Variants in GALNT10 observed in about 807,000 individuals in gnomAD.
GALNT10 encodes the protein GalNAc transferase 10.
In GALNT10, 41 loss-of-function variants were observed where a neutral mutation model predicts 75.0. The observed-to-expected ratio is 0.55, with a 90% CI of 0.43 to 0.71. The LOEUF (loss-of-function observed/expected upper bound fraction) is 0.71. Among genes scored for constraint, GALNT10 ranks in the 30% least tolerant of loss-of-function variants. GALNT10 has a pLI of 0.00. For missense variants in GALNT10, 727 were observed against 818.5 expected, an observed-to-expected ratio of 0.89 and a Z score of 1.36; for synonymous variants, 302 against 313.0, an observed-to-expected ratio of 0.96 and a Z score of 0.37.
At chr5:154,233,944 G>T (rs1038570084) in intron 1 of GALNT10, among the ~76,000 whole-genome samples, 4 of 152,102 alleles carry the variant, frequency 2.6e-5, no homozygotes, top group African/African-American at 9.7e-5. Flanking sequence ...GCCAATGTCA[G>T]ATTCACCATG....
rs1471046288 is a variant in GALNT10, at chr5:154,260,535, A to G, written c.160-34281A>G. On this transcript the variant is annotated intron_variant, in intron 1 of 11. Coordinates refer to ENST00000297107, the MANE Select transcript of GALNT10 (RefSeq NM_198321.4). ...TCCCTTTATGACAGTGGCAGAATCC[A>G]GGATGCACCCCTTTTTAAATGAATG... Among the ~76,000 whole-genome samples the G allele has an allele frequency of 2.0e-5, 3 of 152,330 alleles. No individual in the cohort carries two copies. The East Asian group carries it at 5.8e-4, about 29-fold the overall frequency.
intron 4 of GALNT10, among the ~76,000 whole-genome samples, chr5:154,350,930 C>T (rs1024415912): frequency 6.6e-6 from 1 of 152,116 alleles, no homozygotes. Flanking sequence ...TTTGCTGGGT[C>T]CCCCCACTTG....
intron 1 of GALNT10, among the ~76,000 whole-genome samples, chr5:154,252,364 C>A (rs1753536600): frequency 6.6e-6 from 1 of 152,104 alleles, no homozygotes; most frequent in South Asian, 2.1e-4. Context: ...CCTTACGGAG[C>A]ACTAGTGGGA....
At chr5:154,336,235 C>A (rs2113125401) in intron 4 of GALNT10, among the ~76,000 whole-genome samples, 1 of 152,322 alleles carries the variant, frequency 6.6e-6, no homozygotes, top group African/African-American at 2.4e-5. Flanking sequence ...CATTCACCTA[C>A]TGAAGGACAT....
intron 9 of GALNT10, among the ~76,000 whole-genome samples, chr5:154,411,851 A>G (rs1756403837): frequency 6.6e-6 from 1 of 152,220 alleles, no homozygotes; most frequent in Non-Finnish European, 1.5e-5. Flanking sequence ...ACACCTGGGG[A>G]GACTAGGAGA....
At chr5:154,250,932 A>G (rs188955420) in intron 1 of GALNT10, among the ~76,000 whole-genome samples, 2 of 152,258 alleles carry the variant, frequency 1.3e-5, no homozygotes, top group East Asian at 3.9e-4. Context: ...TGTGCCCTGT[A>G]TCTGGAATAT....
intron 1 of GALNT10, chr5:154,217,894 G>T: frequency 1.9e-6 from 1 of 514,966 alleles, no homozygotes; most frequent in Non-Finnish European, 2.5e-6. Flanking sequence ...TTTGGTGTTT[G>T]GAGAGACTGT....
At chr5:154,201,109 A>ACC (rs1436754564) in intron 1 of GALNT10, among the ~76,000 whole-genome samples, 1 of 152,140 alleles carries the variant, frequency 6.6e-6, no homozygotes, top group African/African-American at 2.4e-5. Flanking sequence ...CCAGTTGGCC[A>ACC]CCACCCCTGC....
At chr5:154,322,570 A>G (rs1215926456) in intron 3 of GALNT10, among the ~76,000 whole-genome samples, 1 of 152,072 alleles carries the variant, frequency 6.6e-6, no homozygotes, top group Non-Finnish European at 1.5e-5. Context: ...GGATTAGGGC[A>G]TGGCCATCCT....
At chr5:154,362,746 G>A (rs1407102921) in intron 4 of GALNT10, among the ~76,000 whole-genome samples, 1 of 152,136 alleles carries the variant, frequency 6.6e-6, no homozygotes, top group Non-Finnish European at 1.5e-5. Context: ...ACCTATGATT[G>A]AATTCTTCCG....
chr5:154,381,381 C>G (rs1755732737), intron 6 of GALNT10, among the ~76,000 whole-genome samples: 1 of 152,208 alleles, frequency 6.6e-6, no homozygotes, highest in Non-Finnish European at 1.5e-5. Context: ...GTGCTCCAAG[C>G]TCTGGAAGGG....
At chr5:154,341,411 A>G (rs1486089003) in intron 4 of GALNT10, among the ~76,000 whole-genome samples, 2 of 152,246 alleles carry the variant, frequency 1.3e-5, no homozygotes, top group Middle Eastern at 3.2e-3. Flanking sequence ...GGGCTTGTTA[A>G]TGAATGAGAT....
intron 1 of GALNT10, among the ~76,000 whole-genome samples, chr5:154,245,964 C>G (rs986162493): frequency 3.3e-5 from 5 of 151,882 alleles, no homozygotes; most frequent in African/African-American, 1.2e-4. Context: ...CCCACTCCCC[C>G]CACCCCACAA....
intron 4 of GALNT10, among the ~76,000 whole-genome samples, chr5:154,371,302 A>T (rs1581996557): frequency 6.6e-6 from 1 of 152,170 alleles, no homozygotes; most frequent in East Asian, 1.9e-4. Flanking sequence ...TCTTAACATA[A>T]CTACATCTGC....
Position 154,419,799 on chromosome 5 carries a change from C to T in GALNT10, c.*2827C>T, listed in dbSNP as rs1382963787. 2.0e-5 allele frequency: 3 copies of T among 152,196 alleles called. No homozygotes were observed. The highest frequency in any genetic ancestry group is 6.5e-5 in the Admixed American group (1 of 15,284). The allele number at this position is 152,196 out of a possible 1,614,324, so 9.4% of individuals were successfully genotyped here. ...CAAGGATTCAGGTTTCTGCTCACATCCCCAGCTGATGCTCAATAAAACTCA... is the reference window on the plus strand; with the variant it reads ...CAAGGATTCAGGTTTCTGCTCACATTCCCAGCTGATGCTCAATAAAACTCA... On this transcript the variant is annotated 3_prime_UTR_variant, in exon 12 of 12. Transcript: ENST00000297107.
At chr5:154,357,572 T>C (rs1755315221) in intron 4 of GALNT10, among the ~76,000 whole-genome samples, 2 of 152,194 alleles carry the variant, frequency 1.3e-5, no homozygotes, top group Non-Finnish European at 2.9e-5. Flanking sequence ...ATCAACCTCC[T>C]TATTTGGCCT....
chr5:154,263,197 G>C (rs373841491), intron 1 of GALNT10, among the ~76,000 whole-genome samples: 11 of 152,304 alleles, frequency 7.2e-5, no homozygotes, highest in African/African-American at 2.6e-4. Flanking sequence ...ACTTGTACAT[G>C]AGTGTTTATA....
chr5:154,240,278 A>T (rs923712682), intron 1 of GALNT10, among the ~76,000 whole-genome samples: 2 of 152,178 alleles, frequency 1.3e-5, no homozygotes, highest in Non-Finnish European at 2.9e-5. Flanking sequence ...TCTCAGTCCT[A>T]GTGTCCTCAC....
intron 4 of GALNT10, among the ~76,000 whole-genome samples, chr5:154,363,798 C>T (rs1406992688): frequency 6.6e-6 from 1 of 152,212 alleles, no homozygotes; most frequent in Non-Finnish European, 1.5e-5. Context: ...TTTGGAGACT[C>T]ACAAGTGTAC....
Sources: gnomAD v4.1 joint callset for allele counts (sites outside exome capture counted in the v4.1 genomes callset) on GRCh38, gnomAD v4.1.1 for gene constraint, MANE v1.5 for transcripts, NCBI Gene and HGNC (gene_info 2026-07-23, HGNC 2026-07-21) for gene names.